Variants in CDYL2 observed in about 807,000 individuals in gnomAD.
CDYL2 encodes the protein chromodomain Y like 2.
A neutral mutation model predicts 49.4 loss-of-function variants in CDYL2; 23 were observed. That is an observed-to-expected ratio of 0.47 (90% CI 0.34 to 0.66). CDYL2 has a LOEUF of 0.66. CDYL2 is among the 30% of genes least tolerant of loss of function. CDYL2 has a pLI of 0.01. For synonymous variants in CDYL2, 360 were observed against 268.8 expected (o/e 1.34, Z -3.32); for missense variants, 678 against 656.4 (o/e 1.03, Z -0.36).
intron 2 of CDYL2, among the ~76,000 whole-genome samples, chr16:80,681,883 C>T (rs1204032866): frequency 6.6e-6 from 1 of 152,170 alleles, no homozygotes; most frequent in Non-Finnish European, 1.5e-5. Flanking sequence ...CTACTTCAAG[C>T]ACCCAGCATG....
At chr16:80,675,109 G>A (rs1360229129) in intron 2 of CDYL2, among the ~76,000 whole-genome samples, 1 of 152,226 alleles carries the variant, frequency 6.6e-6, no homozygotes, top group Non-Finnish European at 1.5e-5. Context: ...TACTGAAGAT[G>A]CCTCAAAGGC....
intron 1 of CDYL2, among the ~76,000 whole-genome samples, chr16:80,781,471 A>G (rs1221921799): frequency 6.6e-6 from 1 of 152,132 alleles, no homozygotes; most frequent in Non-Finnish European, 1.5e-5. Context: ...TTAACAATAG[A>G]CAGAACAACT....
chr16:80,790,163 G>A (rs1181149823), intron 1 of CDYL2, among the ~76,000 whole-genome samples: 1 of 152,084 alleles, frequency 6.6e-6, no homozygotes, highest in African/African-American at 2.4e-5. Context: ...CAACACCTAG[G>A]ATCAGAGATT....
At chr16:80,628,401 A>T (rs573571790) in intron 3 of CDYL2, 1 of 152,366 alleles carries the variant, frequency 6.6e-6, no homozygotes, top group African/African-American at 2.4e-5. Flanking sequence ...GAGGGAATAA[A>T]GCTGCTTTGT....
At chr16:80,655,186 T>A (rs1392964335) in intron 2 of CDYL2, among the ~76,000 whole-genome samples, 1 of 152,218 alleles carries the variant, frequency 6.6e-6, no homozygotes, top group Non-Finnish European at 1.5e-5. Context: ...ACATTTGCCA[T>A]TCTAGTTAGT....
In CDYL2 at chr16:80,611,939, G is replaced by A. The variant is rs575992727; in HGVS notation, c.1218+687C>T. 1.2e-4 allele frequency among the ~76,000 whole-genome samples: 18 copies of A among 152,328 alleles called. No individual in the cohort carries two copies. In the South Asian group the frequency reaches 1.9e-3, roughly 16 times the overall value. ...CTCTGTCTGCCCCACCTGGTGACACGACTTCTCTGAGCTTAACGTTCCATC... is the reference window on the plus strand; with the variant it reads ...CTCTGTCTGCCCCACCTGGTGACACAACTTCTCTGAGCTTAACGTTCCATC... On this transcript the variant is annotated intron_variant, in intron 5 of 6. Coordinates refer to ENST00000570137, the MANE Select transcript of CDYL2 (RefSeq NM_152342.4).
rs1905987653 is a variant in CDYL2, at chr16:80,599,531, T to C, written c.*4857A>G. The C allele has an allele frequency of 6.6e-6, 1 of 152,186 alleles. No individual in the cohort carries two copies. The highest frequency in any genetic ancestry group is 1.5e-5 in the Non-Finnish European group (1 of 68,028). The allele number at this position is 152,186 out of a possible 1,614,324, so 9.4% of individuals were successfully genotyped here. ...TTGCCTTTGTCCTGCTAAACTCCAG[T>C]TTAGTATGGCTTGATACACATAGTT... On this transcript the variant is annotated 3_prime_UTR_variant, in exon 7 of 7. Coordinates refer to ENST00000570137, the MANE Select transcript of CDYL2 (RefSeq NM_152342.4).
intron 1 of CDYL2, among the ~76,000 whole-genome samples, chr16:80,746,101 TC>T (rs1371927692): frequency 6.6e-6 from 1 of 152,128 alleles, no homozygotes; most frequent in Non-Finnish European, 1.5e-5. Context: ...CTAGCTCTGT[TC>T]CCGAGACCTT....
At chr16:80,776,594 GTATATTA>G (rs1487751360) in intron 1 of CDYL2, among the ~76,000 whole-genome samples, 1 of 149,434 alleles carries the variant, frequency 6.7e-6, no homozygotes, top group Non-Finnish European at 1.5e-5. Context: ...TTTTGTATCT[GTATATTA>G]TATATTATAT....
At chr16:80,783,924 C>T (rs961910932) in intron 1 of CDYL2, among the ~76,000 whole-genome samples, 1 of 152,190 alleles carries the variant, frequency 6.6e-6, no homozygotes. Flanking sequence ...ACTTAATAGG[C>T]ATGCGGTTTC....
At chr16:80,699,770 T>C (rs1004025514) in intron 1 of CDYL2, among the ~76,000 whole-genome samples, 1 of 152,240 alleles carries the variant, frequency 6.6e-6, no homozygotes, top group Non-Finnish European at 1.5e-5. Context: ...TGAAATATAC[T>C]ATACTCCATA....
At chr16:80,766,033 C>T (rs2142389039) in intron 1 of CDYL2, among the ~76,000 whole-genome samples, 1 of 151,884 alleles carries the variant, frequency 6.6e-6, no homozygotes, top group South Asian at 2.1e-4. Flanking sequence ...ATACACAAAT[C>T]CATAGAGACG....
At chr16:80,611,493 T>C (rs1487339191) in intron 5 of CDYL2, among the ~76,000 whole-genome samples, 1 of 152,094 alleles carries the variant, frequency 6.6e-6, no homozygotes, top group Non-Finnish European at 1.5e-5. Flanking sequence ...CCCAGCAGCG[T>C]GGTGCCTCCA....
At chr16:80,628,799 GA>G (rs1264657220) in intron 3 of CDYL2, among the ~76,000 whole-genome samples, 1 of 152,214 alleles carries the variant, frequency 6.6e-6, no homozygotes, top group Non-Finnish European at 1.5e-5. Flanking sequence ...TGAATTAAGA[GA>G]ATGCCAGTCT....
chr16:80,667,493 T>A (rs1426026034), intron 2 of CDYL2, among the ~76,000 whole-genome samples: 1 of 152,190 alleles, frequency 6.6e-6, no homozygotes, highest in Non-Finnish European at 1.5e-5. Context: ...CCCTCAGTAA[T>A]TCCTTCCCCT....
intron 2 of CDYL2, among the ~76,000 whole-genome samples, chr16:80,679,096 A>C (rs1349624532): frequency 6.3e-5 from 7 of 111,652 alleles, no homozygotes; most frequent in Non-Finnish European, 1.2e-4. Context: ...GGAACATCAC[A>C]CTCTGGGGAC....
At chr16:80,691,980 A>C (rs2142487857) in intron 1 of CDYL2, among the ~76,000 whole-genome samples, 1 of 152,330 alleles carries the variant, frequency 6.6e-6, no homozygotes, top group East Asian at 1.9e-4. Flanking sequence ...AACATACTCG[A>C]AAAGCTGTCC....
At chr16:80,761,725 T>C (rs1283142855) in intron 1 of CDYL2, among the ~76,000 whole-genome samples, 1 of 152,114 alleles carries the variant, frequency 6.6e-6, no homozygotes, top group African/African-American at 2.4e-5. Context: ...ATTCAAAAGG[T>C]ATATCTACAT....
chr16:80,738,326 T>C (rs1009166173), intron 1 of CDYL2, among the ~76,000 whole-genome samples: 1 of 152,204 alleles, frequency 6.6e-6, no homozygotes, highest in Admixed American at 6.5e-5. Context: ...GCAATAAACA[T>C]ACATGCGCAT....
Sources: gnomAD v4.1 joint callset for allele counts (sites outside exome capture counted in the v4.1 genomes callset) on GRCh38, gnomAD v4.1.1 for gene constraint, MANE v1.5 for transcripts, NCBI Gene and HGNC (gene_info 2026-07-23, HGNC 2026-07-21) for gene names.